Variants in EPM2A observed in about 807,000 individuals in gnomAD.
EPM2A encodes the protein EPM2A glucan phosphatase, laforin, also known as laforin.
A neutral mutation model predicts 26.5 loss-of-function variants in EPM2A; 21 were observed. That is an observed-to-expected ratio of 0.79 (90% CI 0.56 to 1.14). EPM2A has a LOEUF of 1.14. Among genes scored for constraint, EPM2A ranks in the 50% most tolerant of loss-of-function variants. EPM2A has a pLI of 0.00. For missense variants in EPM2A, 458 were observed against 440.8 expected, an observed-to-expected ratio of 1.04 and a Z score of -0.35; for synonymous variants, 217 against 177.6, an observed-to-expected ratio of 1.22 and a Z score of -1.76.
At chr6:145,407,820 G>T (rs1464551277) in intron 4 of EPM2A, among the ~76,000 whole-genome samples, 7 of 152,214 alleles carry the variant, frequency 4.6e-5, no homozygotes, top group Non-Finnish European at 5.9e-5. Context: ...GTTATAAATA[G>T]ATACACAAAT....
chr6:145,510,958 T>C (rs1445868719), intron 2 of EPM2A, among the ~76,000 whole-genome samples: 2 of 152,172 alleles, frequency 1.3e-5, no homozygotes, highest in African/African-American at 2.4e-5. Context: ...GAGACTACTA[T>C]GAACATGTCT....
intron 2 of EPM2A, among the ~76,000 whole-genome samples, chr6:145,594,931 C>T (rs1781321550): frequency 6.6e-6 from 1 of 151,574 alleles, no homozygotes; most frequent in South Asian, 2.1e-4. Flanking sequence ...TCTTCTGTAA[C>T]ATTTGTCTTT....
intron 4 of EPM2A, among the ~76,000 whole-genome samples, chr6:145,472,641 C>T (rs943955549): frequency 3.3e-5 from 5 of 152,086 alleles, no homozygotes; most frequent in African/African-American, 1.2e-4. Context: ...CTCCTCATGG[C>T]CTAGGGTGGT....
At chr6:145,485,044 CT>C in intron 4 of EPM2A, among the ~76,000 whole-genome samples, 1 of 149,456 alleles carries the variant, frequency 6.7e-6, no homozygotes, top group African/African-American at 2.5e-5. Context: ...GAGGTATTGG[CT>C]AGAAATTCCC....
In EPM2A at chr6:145,438,300, G is replaced by A. The variant is rs768896472; in HGVS notation, c.556-54203C>T. Among the ~76,000 whole-genome samples the A allele has an allele frequency of 2.6e-4, 40 of 152,094 alleles. No homozygotes were observed. In the East Asian group the frequency reaches 5.6e-3, roughly 21 times the overall value. On this transcript the variant is annotated intron_variant, in intron 4 of 4. Transcript: ENST00000638717. ...GGTGCAGGGCTGACAGTACAGGGAG[G>A]TATTCTCCCTGTCCTGCTAACTGTA... is the stretch of plus-strand genomic sequence containing the variant.
At chr6:145,562,070 T>C (rs1467398180) in intron 2 of EPM2A, among the ~76,000 whole-genome samples, 1 of 140,018 alleles carries the variant, frequency 7.1e-6, no homozygotes, top group Non-Finnish European at 1.6e-5. Context: ...TTCCAAAAAA[T>C]ATACATTTTT....
At chr6:145,440,865 C>G (rs536881282) in intron 4 of EPM2A, among the ~76,000 whole-genome samples, 4 of 152,154 alleles carry the variant, frequency 2.6e-5, no homozygotes, top group Non-Finnish European at 5.9e-5. Context: ...GTTGCTTTCA[C>G]GGGCTGGCAT....
chr6:145,675,998 C>T (rs956355193), intron 2 of EPM2A, among the ~76,000 whole-genome samples: 2 of 151,300 alleles, frequency 1.3e-5, no homozygotes, highest in Admixed American at 6.6e-5. Flanking sequence ...AGCACCATAT[C>T]GCACTTAAAT....
intron 2 of EPM2A, among the ~76,000 whole-genome samples, chr6:145,684,196 A>G (rs1258649246): frequency 1.3e-5 from 2 of 152,150 alleles, no homozygotes; most frequent in Admixed American, 1.3e-4. Flanking sequence ...GGAAAAAAAG[A>G]AGCCTCTCAA....
intron 2 of EPM2A, among the ~76,000 whole-genome samples, chr6:145,572,526 T>A (rs1780972398): frequency 6.6e-6 from 1 of 152,142 alleles, no homozygotes; most frequent in Non-Finnish European, 1.5e-5. Context: ...GCTGGTCAGG[T>A]CGCATGGTGA....
At chr6:145,561,144 CT>C (rs1276509270) in intron 2 of EPM2A, among the ~76,000 whole-genome samples, 3 of 140,196 alleles carry the variant, frequency 2.1e-5, no homozygotes, top group African/African-American at 7.7e-5. Context: ...CATTTTTTAT[CT>C]TTTATACCTT....
chr6:145,643,453 T>C (rs1164335180), intron 2 of EPM2A, among the ~76,000 whole-genome samples: 1 of 152,206 alleles, frequency 6.6e-6, no homozygotes, highest in Admixed American at 6.5e-5. Context: ...ACACTGGATA[T>C]GTAGCCCATC....
chr6:145,427,463 G>T (rs1052653108), intron 4 of EPM2A, among the ~76,000 whole-genome samples: 4 of 152,136 alleles, frequency 2.6e-5, no homozygotes, highest in African/African-American at 9.6e-5. Flanking sequence ...GAGCCTGAGG[G>T]ATGTGGTAAG....
In EPM2A at chr6:145,659,286, G is replaced by A. The variant is rs577657322; in HGVS notation, c.477-23800C>T. 5.3e-4 allele frequency among the ~76,000 whole-genome samples: 80 copies of A among 152,256 alleles called. 1 individual carries two copies. The South Asian group carries it at 0.016, about 31-fold the overall frequency. Reference sequence around the variant, plus strand: ...ATCATACACTCTGGAATTGTGCAAAGCAACAGTCCTATACCCAATACTCTA... The same window carrying A: ...ATCATACACTCTGGAATTGTGCAAAACAACAGTCCTATACCCAATACTCTA... On this transcript the variant is annotated intron_variant, in intron 2 of 3. Coordinates refer to ENST00000367519, the MANE Select transcript of EPM2A (RefSeq NM_005670.4).
At chr6:145,551,932 C>T (rs899804879) in intron 2 of EPM2A, among the ~76,000 whole-genome samples, 3 of 150,114 alleles carry the variant, frequency 2.0e-5, no homozygotes, top group Non-Finnish European at 3.0e-5. Flanking sequence ...TTTCTAGATT[C>T]GATATAGAAC....
intron 2 of EPM2A, among the ~76,000 whole-genome samples, chr6:145,524,570 G>A (rs540122207): frequency 3.3e-5 from 5 of 152,154 alleles, no homozygotes; most frequent in African/African-American, 1.2e-4. Flanking sequence ...CCACTTGTAT[G>A]TCTTCTTTTG....
chr6:145,434,286 G>T, intron 4 of EPM2A, among the ~76,000 whole-genome samples: 2 of 147,956 alleles, frequency 1.4e-5, no homozygotes, highest in African/African-American at 2.5e-5. Context: ...TTTTAGACAG[G>T]GTCTCCTTCT....
chr6:145,448,396 T>C (rs1779152309), intron 4 of EPM2A, among the ~76,000 whole-genome samples: 1 of 152,070 alleles, frequency 6.6e-6, no homozygotes, highest in African/African-American at 2.4e-5. Context: ...GAACCATTGC[T>C]TTAAAGGGCA....
At chr6:145,510,275 A>G (rs1046605401) in intron 2 of EPM2A, among the ~76,000 whole-genome samples, 1 of 152,138 alleles carries the variant, frequency 6.6e-6, no homozygotes, top group Admixed American at 6.5e-5. Flanking sequence ...GCACCCAACA[A>G]CCACAGAATA....
Sources: allele counts gnomAD v4.1 joint callset (sites outside exome capture counted in the v4.1 genomes callset), GRCh38; gene constraint gnomAD v4.1.1; transcripts MANE v1.5; gene names NCBI Gene and HGNC (gene_info 2026-07-23, HGNC 2026-07-21).